The following RASD2 variants were observed in gnomAD, a reference collection of about 807,000 sequenced individuals.
The protein encoded by RASD2 is GTP-binding protein Rhes.
Under a neutral mutation model 15.8 loss-of-function variants are expected in RASD2, and 7 were observed. The ratio of observed to expected loss-of-function variants is 0.44; its 90% confidence interval spans 0.25 to 0.83. The LOEUF (loss-of-function observed/expected upper bound fraction) is 0.83, where lower values mean the gene tolerates loss of function less well. Among genes scored for constraint, RASD2 ranks in the 40% least tolerant of loss-of-function variants. The pLI, the probability that RASD2 is intolerant of heterozygous loss-of-function variation, is 0.20. For missense variants in RASD2, 274 were observed against 382.8 expected (o/e 0.72, Z 2.37); for synonymous variants, 155 against 153.6 (o/e 1.01, Z -0.07).
In RASD2 at chr22:35,551,729, C is replaced by T. The variant is rs376468893; in HGVS notation, c.498C>T (p.Cys166=). 47 of 1,613,798 alleles carry T rather than the reference C, an allele frequency of 2.9e-5. No homozygotes were observed. Among genetic ancestry groups the T allele is most frequent in the African/African-American group, 5.3e-5 (4 of 74,858 alleles). Residue 166 remains cysteine (C), a synonymous_variant, in exon 3 of 3, where the codon TGC becomes TGT. Transcript: ENST00000216127. The surrounding 1 kb of genome is among the most constrained non-coding windows in gnomAD (Gnocchi z 4.9). The part of the protein sequence containing the change: ...AELLVSGDEN[C]AYFEVSAKKN... ...TGCTGGTGTCGGGCGACGAGAACTG[C>T]GCCTACTTCGAGGTGTCGGCCAAGA... is the stretch of plus-strand genomic sequence containing the variant.
At chr22:35,540,708 AC>A (rs1934322636), upstream of RASD2, among the ~76,000 whole-genome samples, 1 of 152,158 alleles carries the variant, frequency 6.6e-6, no homozygotes, top group Non-Finnish European at 1.5e-5. Flanking sequence ...CCAGGGCCAC[AC>A]ACAAAGTTCT....
At chr22:35,537,239 C>A (rs986805006), upstream of RASD2, among the ~76,000 whole-genome samples, 2 of 152,228 alleles carry the variant, frequency 1.3e-5, no homozygotes, top group African/African-American at 4.8e-5. Context: ...TCTGTCCACC[C>A]TTCCCTGTGT....
Position 35,541,268 on chromosome 22 carries a change from C to T in RASD2, c.-242C>T, listed in dbSNP as rs1249811892. On this transcript the variant is annotated 5_prime_UTR_variant, in exon 1 of 3. Transcript: ENST00000216127. ...CCGGAGCCCGCCCCCTGCCCGGGCC[C>T]CGCCGAGCCCTCGGAGCCCACCCAT... 2 of 151,920 alleles carry T rather than the reference C, an allele frequency of 1.3e-5. No homozygotes were observed. Among genetic ancestry groups the T allele is most frequent in the African/African-American group, 2.4e-5 (1 of 41,388 alleles). The allele number at this position is 151,920 out of a possible 1,614,324, so 9.4% of individuals were successfully genotyped here.
In RASD2 at chr22:35,551,975, G is replaced by A. The variant is rs1934682838; in HGVS notation, c.744G>A (p.Lys248=). The A allele has an allele frequency of 2.4e-5, 38 of 1,602,572 alleles. No individual in the cohort carries two copies. Among genetic ancestry groups the A allele is most frequent in the Non-Finnish European group, 3.2e-5 (38 of 1,179,954 alleles). The change falls in exon 3 of 3, where the codon AAG becomes AAA. Residue 248 remains lysine (K), a synonymous_variant. Coordinates refer to ENST00000216127, the MANE Select transcript of RASD2 (RefSeq NM_014310.4). This position sits in a 1 kb window ranked among gnomAD's most constrained non-coding sequence, Gnocchi z 4.9. ...PSVNSDLKYI[K]AKVLREGQAR... is the part of the protein sequence containing the mutation. The stretch of plus-strand genomic sequence containing the variant: ...TCAACAGTGACCTCAAGTACATCAA[G>A]GCCAAGGTCCTTCGGGAAGGCCAGG...
chr22:35,547,670 A>C (rs550243235), intron 2 of RASD2, among the ~76,000 whole-genome samples: 15 of 152,212 alleles, frequency 9.9e-5, no homozygotes, highest in Admixed American at 7.9e-4. Context: ...GCTGGAGTGC[A>C]GTGGCGCGAT....
At position 35,551,831 on chromosome 22, in the gene RASD2, G is replaced by T. The variant is rs1934676074; in HGVS notation, c.600G>T (p.Leu200=). 5.6e-6 allele frequency: 9 copies of T among 1,613,992 alleles called. No individual in the cohort carries two copies. The highest frequency in any genetic ancestry group is 6.8e-6 in the Non-Finnish European group (8 of 1,179,994). The change falls in exon 3 of 3, where the codon CTG becomes CTT. Residue 200 remains leucine (L), a synonymous_variant. Coordinates refer to ENST00000216127, the MANE Select transcript of RASD2 (RefSeq NM_014310.4). This position sits in a 1 kb window ranked among gnomAD's most constrained non-coding sequence, Gnocchi z 4.9. The part of the protein sequence containing the change: ...AKLPHEMSPA[L]HRKISVQYGD... ...TGCCACACGAGATGAGCCCCGCCCT[G>T]CATCGCAAGATCTCCGTGCAGTACG...
Position 35,547,046 on chromosome 22 carries a change from C to T in RASD2, c.237C>T (p.Pro79=), listed in dbSNP as rs372430191. 8 of 1,613,930 alleles carry T rather than the reference C, an allele frequency of 5.0e-6. No homozygotes were observed. The African/African-American group carries it at 8.0e-5, about 16-fold the overall frequency. The change falls in exon 2 of 3, where the codon CCC becomes CCT. Residue 79 remains proline (P), a synonymous_variant. Transcript: ENST00000216127. ...TCCTGGATACCTCTGGCAACCACCC[C>T]TTCCCCGCCATGCGCAGGCTGTCCA... is the stretch of plus-strand genomic sequence containing the variant. ...LDILDTSGNH[P]FPAMRRLSIL... is the part of the protein sequence containing the mutation.
At chr22:35,540,221 AC>A (rs1934306099), upstream of RASD2, among the ~76,000 whole-genome samples, 1 of 151,946 alleles carries the variant, frequency 6.6e-6, no homozygotes, top group Non-Finnish European at 1.5e-5. Context: ...AGGCGGCCGG[AC>A]CCCATGCGGG....
At chr22:35,541,647 C>A (rs1260962580) in intron 1 of RASD2, 147 bp downstream of exon 1, 1 of 152,268 alleles carries the variant, frequency 6.6e-6, no homozygotes, top group Non-Finnish European at 1.5e-5. Flanking sequence ...GTGCCGGGAT[C>A]GTCTGGCAAC....
rs1290470949 is a variant in RASD2 at position 35,540,981 on chromosome 22, C to G, written c.-529C>G. On this transcript the variant is annotated 5_prime_UTR_variant, in exon 1 of 3. Transcript: ENST00000216127. ...CGATACCCCCCATCCGAGCGACCCC[C>G]TTTGGGGCAGGCGGAGAAGGTGGCA... is the stretch of plus-strand genomic sequence containing the variant. 2 of 152,560 alleles carry G rather than the reference C, an allele frequency of 1.3e-5. No homozygotes were observed. Among genetic ancestry groups the G allele is most frequent in the Non-Finnish European group, 2.9e-5 (2 of 68,418 alleles). The allele number at this position is 152,560 out of a possible 1,614,324, so 9.5% of individuals were successfully genotyped here.
In RASD2 at chr22:35,546,929, C is replaced by T. The variant is rs760647074; in HGVS notation, c.120C>T (p.Leu40=). ...VGKSSIVSRF[L]NGRFEDQYTP... is the part of the protein sequence containing the mutation. ...AGAGCTCCATCGTGTCTCGCTTCCT[C>T]AATGGCCGCTTTGAGGACCAGTACA... The change falls in exon 2 of 3, where the codon CTC becomes CTT. Residue 40 remains leucine (L), a synonymous_variant. Coordinates refer to ENST00000216127, the MANE Select transcript of RASD2 (RefSeq NM_014310.4). The T allele has an allele frequency of 1.4e-5, 23 of 1,613,812 alleles. 1 individual carries two copies. The highest frequency in any genetic ancestry group is 3.3e-5 in the Admixed American group (2 of 59,974).
intron 1 of RASD2, among the ~76,000 whole-genome samples, chr22:35,544,391 C>T (rs772677494): frequency 9.9e-5 from 15 of 152,244 alleles, no homozygotes; most frequent in African/African-American, 2.7e-4. Flanking sequence ...GCCTCCCACA[C>T]GTATGCCCTG....
upstream of RASD2, among the ~76,000 whole-genome samples, chr22:35,540,514 G>T (rs113156373): frequency 1.3e-5 from 2 of 150,946 alleles, no homozygotes; most frequent in Non-Finnish European, 3.0e-5. Context: ...GCTGGGCGGC[G>T]GGAGGCGCGG....
intron 2 of RASD2, among the ~76,000 whole-genome samples, chr22:35,548,471 G>A (rs1358158292): frequency 2.0e-5 from 3 of 152,126 alleles, no homozygotes; most frequent in Admixed American, 6.5e-5. Context: ...CCCAAGTCAC[G>A]CCCCTGAAGT....
intron 1 of RASD2, among the ~76,000 whole-genome samples, chr22:35,544,125 C>T (rs1934430703): frequency 6.6e-6 from 1 of 152,216 alleles, no homozygotes; most frequent in Non-Finnish European, 1.5e-5. Flanking sequence ...GGAGGCTGGG[C>T]AGGGCAATGA....
At position 35,546,950 on chromosome 22, in the gene RASD2, G is replaced by C; in HGVS notation, c.141G>C (p.Gln47His). ...SRFLNGRFED[Q>H]YTPTIEDFHR... is the part of the protein sequence containing the mutation. ...TCCTCAATGGCCGCTTTGAGGACCA[G>C]TACACACCCACCATCGAGGACTTCC... Residue 47 changes from glutamine (Q) to histidine (H), a missense_variant, in exon 2 of 3, where the codon CAG (glutamine) becomes CAC (histidine). Transcript: ENST00000216127. The C allele has an allele frequency of 6.2e-7, 1 of 1,614,090 alleles. No individual in the cohort carries two copies. Among genetic ancestry groups the C allele is most frequent in the Non-Finnish European group, 8.5e-7 (1 of 1,180,008 alleles).
At chr22:35,543,136 A>G (rs1934396152) in intron 1 of RASD2, among the ~76,000 whole-genome samples, 1 of 152,158 alleles carries the variant, frequency 6.6e-6, no homozygotes, top group Non-Finnish European at 1.5e-5. Flanking sequence ...TCTGAGCATC[A>G]GTGTCCCCAT....
the RASD2 span, among the ~76,000 whole-genome samples, chr22:35,534,228 C>T: frequency 1.3e-5 from 2 of 152,336 alleles, no homozygotes; most frequent in African/African-American, 2.4e-5. Context: ...AAGAACCCTG[C>T]CCTGCATGCT....
At chr22:35,545,469 C>T (rs1301476050) in intron 1 of RASD2, among the ~76,000 whole-genome samples, 1 of 152,208 alleles carries the variant, frequency 6.6e-6, no homozygotes, top group Non-Finnish European at 1.5e-5. Context: ...ACAGCCCCCA[C>T]CTCTGGGATG....
Sources: gnomAD v4.1 joint callset for allele counts (sites outside exome capture counted in the v4.1 genomes callset) on GRCh38, gnomAD v4.1.1 for gene constraint, Gnocchi (gnomAD v3.1) non-coding constraint, MANE v1.5 for transcripts, NCBI Gene and HGNC (gene_info 2026-07-23, HGNC 2026-07-21) for gene names.